The following SLC44A5 variants were observed in gnomAD, a reference collection of about 807,000 sequenced individuals.
SLC44A5 encodes the protein choline transporter-like protein 5.
A neutral mutation model predicts 101.8 loss-of-function variants in SLC44A5; 57 were observed. That is an observed-to-expected ratio of 0.56 (90% CI 0.45 to 0.70). The LOEUF (loss-of-function observed/expected upper bound fraction) is 0.70. Ranked by LOEUF, SLC44A5 falls within the 30% of genes least tolerant of loss-of-function variation. SLC44A5 has a pLI of 0.00. For synonymous variants in SLC44A5, 281 were observed against 290.9 expected (o/e 0.97, Z 0.35); for missense variants, 737 against 853.1 (o/e 0.86, Z 1.70).
chr1:75,589,697 C>A (rs1000422625), intron 1 of SLC44A5, among the ~76,000 whole-genome samples: 1 of 152,168 alleles, frequency 6.6e-6, no homozygotes, highest in Non-Finnish European at 1.5e-5. Flanking sequence ...ACCAATGCCA[C>A]CCTGCCCCCA....
chr1:75,203,854 G>A (rs1224340035), intron 23 of SLC44A5, 21 bp from the exon 24 acceptor site: 1 of 1,537,186 alleles, frequency 6.5e-7, no homozygotes, highest in Non-Finnish European at 8.8e-7. Flanking sequence ...GAATGGTACA[G>A]AGTAAATATC....
intron 7 of SLC44A5, 94 bp downstream of exon 7, chr1:75,251,110 CCACGCA>C: frequency 1.2e-6 from 1 of 863,854 alleles, no homozygotes; most frequent in South Asian, 1.5e-5. Flanking sequence ...AACCCCCTGC[CCACGCA>C]CACACACAGA....
rs142600785 is a variant in SLC44A5, at chr1:75,566,677, A to G, written c.-69-25161T>C. On this transcript the variant is annotated intron_variant, in intron 1 of 23. Transcript: ENST00000370859. ...GCAGAGCACAGCAGAAAAGAAAAAG[A>G]TTTCACTCAAAAAGTTGAACTGACA... 2.2e-3 allele frequency among the ~76,000 whole-genome samples: 338 copies of G among 152,382 alleles called. 1 individual carries two copies. Among genetic ancestry groups the G allele is most frequent in the Non-Finnish European group, 3.3e-3 (225 of 68,038 alleles).
At chr1:75,542,807 A>G (rs1233222902) in intron 1 of SLC44A5, among the ~76,000 whole-genome samples, 1 of 152,172 alleles carries the variant, frequency 6.6e-6, no homozygotes, top group East Asian at 1.9e-4. Context: ...TTTTATTGCA[A>G]TAATCCAAAA....
chr1:75,605,385 T>C (rs1675263969), intron 1 of SLC44A5, among the ~76,000 whole-genome samples: 1 of 151,698 alleles, frequency 6.6e-6, no homozygotes, highest in Non-Finnish European at 1.5e-5. Flanking sequence ...TAAAAATAAA[T>C]AAATAAACAA....
In SLC44A5 at chr1:75,228,203, G is replaced by A. The variant is rs555334056; in HGVS notation, c.854-346C>T. 5.3e-5 allele frequency among the ~76,000 whole-genome samples: 8 copies of A among 152,144 alleles called. No individual in the cohort carries two copies. In the South Asian group the frequency reaches 6.2e-4, roughly 12 times the overall value. On this transcript the variant is annotated intron_variant, in intron 12 of 23. Transcript: ENST00000370859. ...TCCTCCTAAGGTTTATACCTAATAC[G>A]AATTTATGATTATCCATTTATTTAT... is the stretch of plus-strand genomic sequence containing the variant.
intron 11 of SLC44A5, among the ~76,000 whole-genome samples, chr1:75,235,430 T>A (rs1647988776): frequency 6.6e-6 from 1 of 151,894 alleles, no homozygotes; most frequent in Non-Finnish European, 1.5e-5. Flanking sequence ...TATCATAATG[T>A]ACACTTGTTC....
chr1:75,263,267 C>T (rs1013511424), intron 6 of SLC44A5, among the ~76,000 whole-genome samples: 2 of 152,164 alleles, frequency 1.3e-5, no homozygotes, highest in African/African-American at 2.4e-5. Context: ...CTACAAATAA[C>T]TTAAACAAAT....
chr1:75,253,906 C>A (rs1649787747), intron 6 of SLC44A5, among the ~76,000 whole-genome samples: 2 of 152,086 alleles, frequency 1.3e-5, no homozygotes, highest in South Asian at 2.1e-4. Context: ...TGAATGAGAC[C>A]AATTCCATAA....
intron 5 of SLC44A5, among the ~76,000 whole-genome samples, chr1:75,291,163 T>G (rs77073280): frequency 0.058 from 8,844 of 152,300 alleles, 303 homozygotes; most frequent in Middle Eastern, 0.13. Context: ...TTCTGATTAT[T>G]CTAAGTCAAT....
the SLC44A5 span, among the ~76,000 whole-genome samples, chr1:75,657,366 T>A: frequency 5.3e-5 from 8 of 152,060 alleles, no homozygotes; most frequent in Non-Finnish European, 1.0e-4. Context: ...CTGGGCAACA[T>A]GGTGAAACTG....
the SLC44A5 span, among the ~76,000 whole-genome samples, chr1:75,690,341 A>G: frequency 6.6e-6 from 1 of 152,074 alleles, no homozygotes; most frequent in Non-Finnish European, 1.5e-5. Context: ...CAATATCACA[A>G]GAACAGCATG....
At chr1:75,370,803 C>A (rs1660174687) in intron 3 of SLC44A5, among the ~76,000 whole-genome samples, 1 of 152,158 alleles carries the variant, frequency 6.6e-6, no homozygotes, top group Non-Finnish European at 1.5e-5. Flanking sequence ...AGAAAATCAG[C>A]AACAGGAGAA....
chr1:75,443,738 C>T (rs1256706024), intron 2 of SLC44A5, among the ~76,000 whole-genome samples: 4 of 150,920 alleles, frequency 2.7e-5, no homozygotes, highest in Admixed American at 6.6e-5. Context: ...AATCTTAATC[C>T]CAAAAGCAAA....
intron 2 of SLC44A5, among the ~76,000 whole-genome samples, chr1:75,439,315 T>C (rs1665061998): frequency 1.3e-5 from 2 of 152,160 alleles, no homozygotes; most frequent in Non-Finnish European, 2.9e-5. Context: ...AATTTCTGTT[T>C]ATATAAGTTG....
At chr1:75,384,400 T>C in intron 3 of SLC44A5, among the ~76,000 whole-genome samples, 2 of 139,014 alleles carry the variant, frequency 1.4e-5, no homozygotes, top group African/African-American at 5.4e-5. Flanking sequence ...AGGCAGGGGT[T>C]GCAATCCTAG....
chr1:75,356,934 T>C (rs1447881350), intron 3 of SLC44A5, among the ~76,000 whole-genome samples: 2 of 152,178 alleles, frequency 1.3e-5, no homozygotes, highest in Non-Finnish European at 2.9e-5. Context: ...ATGGCCTAGG[T>C]GTGTAGTAGG....
chr1:75,616,404 G>GA, the SLC44A5 span, among the ~76,000 whole-genome samples: 106 of 152,354 alleles, frequency 7.0e-4, no homozygotes, highest in Non-Finnish European at 1.3e-3. Flanking sequence ...CCGGGAAGGA[G>GA]AAAGCCAGGC....
chr1:75,554,236 A>AGAGG (rs1233909148), intron 1 of SLC44A5, among the ~76,000 whole-genome samples: 2 of 152,032 alleles, frequency 1.3e-5, no homozygotes, highest in African/African-American at 4.8e-5. Flanking sequence ...CAGTGCTTTG[A>AGAGG]GAGGCCAAGG....
Sources: gnomAD v4.1 joint callset for allele counts (sites outside exome capture counted in the v4.1 genomes callset) on GRCh38, gnomAD v4.1.1 for gene constraint, MANE v1.5 for transcripts, NCBI Gene and HGNC (gene_info 2026-07-23, HGNC 2026-07-21) for gene names.